Variants in PCDHGB5 observed in about 807,000 individuals in gnomAD.
PCDHGB5 encodes protocadherin gamma-B5.
In PCDHGB5, 48 loss-of-function variants were observed where a neutral mutation model predicts 62.9. The observed-to-expected ratio is 0.76, with a 90% CI of 0.61 to 0.97. The LOEUF is 0.97. PCDHGB5 is among the 50% of genes least tolerant of loss of function. The pLI, the probability that PCDHGB5 is intolerant of heterozygous loss-of-function variation, is 0.00. For missense variants in PCDHGB5, 1,118 were observed against 1,198.6 expected (o/e 0.93, Z 0.99); for synonymous variants, 474 against 511.2 (o/e 0.93, Z 0.98).
chr5:141,444,146 T>C (rs2098418879), intron 1 of PCDHGB5, among the ~76,000 whole-genome samples: 2 of 145,824 alleles, frequency 1.4e-5, no homozygotes, highest in South Asian at 4.3e-4. Flanking sequence ...CACTTGTGTG[T>C]ACTGGATTTT....
chr5:141,417,805 G>T, intron 1 of PCDHGB5: 1 of 1,499,292 alleles, frequency 6.7e-7, no homozygotes. Flanking sequence ...TAGCGCGGTA[G>T]AGTGCACTTT....
At position 141,511,256 on chromosome 5, in the gene PCDHGB5, T is replaced by C. The variant is rs1003866304; in HGVS notation, c.*83T>C. On this transcript the variant is annotated 3_prime_UTR_variant, in exon 4 of 4. Transcript: ENST00000617380. ...CTTACCTGCACCCAGGCCTCAGAGT[T>C]TCAGGGCTAACCCCCAGAATACTGG... The C allele has an allele frequency of 1.9e-6, 3 of 1,563,388 alleles. No homozygotes were observed. The highest frequency in any genetic ancestry group is 2.7e-5 in the African/African-American group (2 of 73,508).
chr5:141,490,151 T>C lies in PCDHGB5; in HGVS notation c.2398-4656T>C, dbSNP rs1449636059. The stretch of plus-strand genomic sequence containing the variant: ...GACCCTAGCAGTGGGGCAATCCATG[T>C]GTTGGGTCCCATAGACTTTGAGGAG... On this transcript the variant is annotated intron_variant, in intron 1 of 3. Transcript: ENST00000617380. The surrounding 1 kb of genome is among the most constrained non-coding windows in gnomAD (Gnocchi z 5.4). 4 of 1,614,210 alleles carry C rather than the reference T, an allele frequency of 2.5e-6. No homozygotes were observed. The highest frequency in any genetic ancestry group is 3.4e-6 in the Non-Finnish European group (4 of 1,180,018).
At chr5:141,414,356 T>C in intron 1 of PCDHGB5, 1 of 1,613,950 alleles carries the variant, frequency 6.2e-7, no homozygotes, top group Non-Finnish European at 8.5e-7. Flanking sequence ...TTGGCGTATC[T>C]ACCATTTAAA....
chr5:141,456,554 G>A (rs1003323522), intron 1 of PCDHGB5, among the ~76,000 whole-genome samples: 2 of 152,202 alleles, frequency 1.3e-5, no homozygotes, highest in Non-Finnish European at 2.9e-5. Flanking sequence ...GCCACTCGGG[G>A]CTGAAGCCCA....
chr5:141,418,618 A>T, intron 1 of PCDHGB5: 5 of 1,614,046 alleles, frequency 3.1e-6, no homozygotes, highest in Non-Finnish European at 4.2e-6. Context: ...GCCTTCGGGA[A>T]GACGTGCCTC....
rs903741318 is a variant in PCDHGB5, at chr5:141,454,939, C to G, written c.2398-39868C>G. On this transcript the variant is annotated intron_variant, in intron 1 of 3. Coordinates refer to ENST00000617380, the MANE Select transcript of PCDHGB5 (RefSeq NM_018925.3). ...TCTCCTGCCTCAGCCTCCCGAGTAG[C>G]TGGGACTACAGGCGCCGGCCACCAC... 6.0e-5 allele frequency among the ~76,000 whole-genome samples: 9 copies of G among 150,982 alleles called. No homozygotes were observed. The East Asian group carries it at 1.8e-3, about 30-fold the overall frequency.
At chr5:141,430,985 G>T (rs773308629) in intron 1 of PCDHGB5, 4 of 1,613,780 alleles carry the variant, frequency 2.5e-6, no homozygotes, top group Non-Finnish European at 3.4e-6. Flanking sequence ...GCAGCTTTTC[G>T]CCCTGAATCC....
chr5:141,405,177 G>A, intron 1 of PCDHGB5: 3 of 1,614,140 alleles, frequency 1.9e-6, no homozygotes, highest in African/African-American at 1.3e-5. Flanking sequence ...CACTTTGTGG[G>A]TGTAGATGGG....
rs764742899 is a variant in PCDHGB5, at chr5:141,487,062, C to T, written c.2398-7745C>T. On this transcript the variant is annotated intron_variant, in intron 1 of 3. Transcript: ENST00000617380. This position sits in a 1 kb window ranked among gnomAD's most constrained non-coding sequence, Gnocchi z 5.0. Reference sequence around the variant, plus strand: ...TCTCGATATGCTGGGGAGGTGCGGACGGCTGTTCCTATCCCAGCTGACCTC... The same window carrying T: ...TCTCGATATGCTGGGGAGGTGCGGATGGCTGTTCCTATCCCAGCTGACCTC... 2.8e-5 allele frequency: 45 copies of T among 1,613,980 alleles called. No homozygotes were observed. Among genetic ancestry groups the T allele is most frequent in the East Asian group, 1.3e-4 (6 of 44,874 alleles).
chr5:141,421,380 G>A, intron 1 of PCDHGB5: 1 of 1,614,064 alleles, frequency 6.2e-7, no homozygotes, highest in Non-Finnish European at 8.5e-7. Context: ...ATATCTCCAA[G>A]GACCTGGGGC....
chr5:141,455,055 G>T (rs1019622889), intron 1 of PCDHGB5, among the ~76,000 whole-genome samples: 1 of 151,602 alleles, frequency 6.6e-6, no homozygotes, highest in African/African-American at 2.4e-5. Flanking sequence ...CTCGTGATCC[G>T]CCCGCCTCGG....
At chr5:141,433,605 G>A (rs1411907056) in intron 1 of PCDHGB5, among the ~76,000 whole-genome samples, 1 of 152,114 alleles carries the variant, frequency 6.6e-6, no homozygotes, top group South Asian at 2.1e-4. Context: ...GGAGGCCGAG[G>A]CGGGTGGATC....
chr5:141,501,345 A>G (rs2099808580), intron 2 of PCDHGB5, among the ~76,000 whole-genome samples: 2 of 150,582 alleles, frequency 1.3e-5, no homozygotes, highest in East Asian at 1.9e-4. Context: ...CCCAAACTCA[A>G]TAGGGCAAGA....
At chr5:141,410,084 A>G in intron 1 of PCDHGB5, 3 of 1,612,532 alleles carry the variant, frequency 1.9e-6, no homozygotes, top group Non-Finnish European at 2.5e-6. Context: ...GGAGGTGCGC[A>G]CGGCTCGAGC....
At chr5:141,421,322 T>A (rs774885270) in intron 1 of PCDHGB5, 1 of 1,613,864 alleles carries the variant, frequency 6.2e-7, no homozygotes, top group Non-Finnish European at 8.5e-7. Context: ...GCCAGGCAGA[T>A]CCGATATTCG....
intron 1 of PCDHGB5, chr5:141,408,748 T>A (rs757813921): frequency 2.5e-6 from 4 of 1,608,714 alleles, no homozygotes; most frequent in Non-Finnish European, 3.4e-6. Flanking sequence ...CATTAATGGT[T>A]AGAGTTAATT....
At chr5:141,420,101 T>C (rs1160215468) in intron 1 of PCDHGB5, 1 of 1,613,928 alleles carries the variant, frequency 6.2e-7, no homozygotes, top group Non-Finnish European at 8.5e-7. Flanking sequence ...TGAGGGAACG[T>C]TGCCCTATGC....
chr5:141,401,841 CACTT>C (rs1043132396), intron 1 of PCDHGB5, among the ~76,000 whole-genome samples: 6 of 152,114 alleles, frequency 3.9e-5, no homozygotes, highest in Non-Finnish European at 8.8e-5. Flanking sequence ...CTTATAATAC[CACTT>C]ACTTTTAACC....
Sources: allele counts gnomAD v4.1 joint callset (sites outside exome capture counted in the v4.1 genomes callset), GRCh38; gene constraint gnomAD v4.1.1; non-coding constraint Gnocchi (gnomAD v3.1); transcripts MANE v1.5; gene names NCBI Gene and HGNC (gene_info 2026-07-23, HGNC 2026-07-21).